The following VPS4B variants were observed in gnomAD, a reference collection of about 807,000 sequenced individuals.
VPS4B encodes vacuolar protein sorting 4 homolog B.
A neutral mutation model predicts 56.1 loss-of-function variants in VPS4B; 23 were observed. That is an observed-to-expected ratio of 0.41 (90% CI 0.30 to 0.58). The LOEUF (loss-of-function observed/expected upper bound fraction) is 0.58. VPS4B is among the 20% of genes least tolerant of loss of function. VPS4B has a pLI of 0.29. For missense variants in VPS4B, 372 were observed against 531.9 expected (o/e 0.70, Z 2.96); for synonymous variants, 177 against 186.0 (o/e 0.95, Z 0.39).
rs918210377 is a variant in VPS4B at position 63,390,468 on chromosome 18, C to A, written c.*507G>T. 4 of 152,754 alleles carry A rather than the reference C, an allele frequency of 2.6e-5. No individual in the cohort carries two copies. The highest frequency in any genetic ancestry group is 7.2e-5 in the African/African-American group (3 of 41,460). 9.5% of individuals were successfully genotyped at this position (152,754 alleles called of 1,614,324 possible). A position where few individuals can be genotyped will look rare whatever the true frequency, so the allele number is the denominator to read the frequency against. ...AAGAGCACTGTCTATAATTCAAAAT[C>A]TTTCAAACCCAATCACAAAGCTCTT... On this transcript the variant is annotated 3_prime_UTR_variant, in exon 11 of 11. Coordinates refer to ENST00000238497, the MANE Select transcript of VPS4B (RefSeq NM_004869.4).
intron 1 of VPS4B, among the ~76,000 whole-genome samples, chr18:63,411,902 GAAAT>G (rs1040856067): frequency 6.6e-6 from 1 of 151,932 alleles, no homozygotes; most frequent in Non-Finnish European, 1.5e-5. Flanking sequence ...GGGCTAATAA[GAAAT>G]AATAGAATGT....
At chr18:63,401,159 A>T (rs1915799062) in intron 5 of VPS4B, among the ~76,000 whole-genome samples, 1 of 152,248 alleles carries the variant, frequency 6.6e-6, no homozygotes, top group Non-Finnish European at 1.5e-5. Context: ...TCTTTGGAAA[A>T]GTGAACCTAA....
intron 8 of VPS4B, among the ~76,000 whole-genome samples, chr18:63,398,225 T>TATATATATATATATATATATA (rs1568084680): frequency 1.1e-4 from 6 of 54,982 alleles, no homozygotes; most frequent in Admixed American, 2.2e-4. Flanking sequence ...ATATATATAT[T>TATATATATATATATATATATA]TTTTTTTGAG....
chr18:63,402,057 A>C (rs149156419), intron 5 of VPS4B, among the ~76,000 whole-genome samples: 1 of 152,190 alleles, frequency 6.6e-6, no homozygotes, highest in Non-Finnish European at 1.5e-5. Flanking sequence ...GGATGTGTAC[A>C]CAGTATCTGC....
Position 63,413,471 on chromosome 18 carries a change from G to A in VPS4B, c.28-1893C>T, listed in dbSNP as rs111249667. On this transcript the variant is annotated intron_variant, in intron 1 of 10. Transcript: ENST00000238497. ...GGAGAATTGCTTGAACCCGGGAGGC[G>A]GTGGTTGCAGTGAGCCAAGATCATG... Among the ~76,000 whole-genome samples, 1,464 of 151,262 alleles carry A rather than the reference G, an allele frequency of 9.7e-3. 27 individuals carry two copies. The highest frequency in any genetic ancestry group is 0.034 in the African/African-American group (1,398 of 41,094).
intron 1 of VPS4B, among the ~76,000 whole-genome samples, chr18:63,413,317 T>C (rs1916087375): frequency 6.6e-6 from 1 of 151,984 alleles, no homozygotes; most frequent in African/African-American, 2.4e-5. Context: ...AAACTAAAAT[T>C]CTCCTGAGCT....
At chr18:63,416,481 AGC>A (rs1916166860) in intron 1 of VPS4B, 2 of 152,304 alleles carry the variant, frequency 1.3e-5, no homozygotes, top group Non-Finnish European at 2.9e-5. Flanking sequence ...TTCCCTTTTC[AGC>A]CAGAGCTAAT....
Position 63,422,148 on chromosome 18 carries a change from C to T in VPS4B, c.27+85G>A, listed in dbSNP as rs530929663. The T allele has an allele frequency of 8.2e-5, 111 of 1,360,832 alleles. 2 individuals carry two copies. In the South Asian group the frequency reaches 1.8e-3, roughly 22 times the overall value. 84.3% of individuals were successfully genotyped at this position (1,360,832 alleles called of 1,614,324 possible). A position where few individuals can be genotyped will look rare whatever the true frequency, so the allele number is the denominator to read the frequency against. On this transcript the variant is annotated intron_variant, in intron 1 of 10. Coordinates refer to ENST00000238497, the MANE Select transcript of VPS4B (RefSeq NM_004869.4). Reference sequence around the variant, plus strand: ...GCCTCGACCACAGGCGCGGCCGCTTCCTCCCTTCTCCCCGCCCCCCACCCG... The same window carrying T: ...GCCTCGACCACAGGCGCGGCCGCTTTCTCCCTTCTCCCCGCCCCCCACCCG...
chr18:63,400,193 C>T lies in VPS4B; in HGVS notation c.645G>A (p.Leu215=), dbSNP rs1483129086. 1 of 1,593,546 alleles carries T rather than the reference C, an allele frequency of 6.3e-7. No homozygotes were observed. Among genetic ancestry groups the T allele is most frequent in the Non-Finnish European group, 8.5e-7 (1 of 1,173,980 alleles). The change falls in exon 7 of 11, where the codon CTG becomes CTA. Residue 215 remains leucine (L), a synonymous_variant. Transcript: ENST00000238497. The stretch of plus-strand genomic sequence containing the variant: ...TGGCAAGTTGGAATAAATTCTTAAC[C>T]AGTCTAAAAATAAATGAAAACTTTT... ...VSKWLGESEK[L]VKNLFQLARE... is the part of the protein sequence containing the mutation.
rs974175694 is a variant in VPS4B, at chr18:63,422,439, A to C, written c.-180T>G. On this transcript the variant is annotated 5_prime_UTR_variant, in exon 1 of 11. Coordinates refer to ENST00000238497, the MANE Select transcript of VPS4B (RefSeq NM_004869.4). ...CAACACTCTCTCCACCAGAGCTCCG[A>C]CCCTCCCCACCAAACTTCCGCAATC... 1.3e-5 allele frequency: 6 copies of C among 451,510 alleles called. No individual in the cohort carries two copies. In the South Asian group the frequency reaches 2.2e-4, roughly 17 times the overall value. 28.0% of individuals were successfully genotyped at this position (451,510 alleles called of 1,614,324 possible).
chr18:63,394,307 T>C (rs897824730), intron 9 of VPS4B, among the ~76,000 whole-genome samples: 2 of 152,222 alleles, frequency 1.3e-5, no homozygotes, highest in African/African-American at 2.4e-5. Context: ...AAAAATGCTC[T>C]CAAATCTAAG....
chr18:63,403,107 TA>T (rs1450290060), intron 5 of VPS4B, among the ~76,000 whole-genome samples: 1 of 152,240 alleles, frequency 6.6e-6, no homozygotes, highest in African/African-American at 2.4e-5. Context: ...TTCACAGTGA[TA>T]ATGAAATGTC....
At chr18:63,405,698 T>C (rs959644019) in intron 4 of VPS4B, among the ~76,000 whole-genome samples, 2 of 151,970 alleles carry the variant, frequency 1.3e-5, no homozygotes, top group African/African-American at 4.8e-5. Context: ...TGGCTCACAA[T>C]TGTAATCCCA....
At chr18:63,406,857 G>A (rs1915929086) in intron 4 of VPS4B, among the ~76,000 whole-genome samples, 1 of 152,184 alleles carries the variant, frequency 6.6e-6, no homozygotes, top group Non-Finnish European at 1.5e-5. Context: ...ATCAAGATCT[G>A]AATGGAGCCA....
At chr18:63,406,792 G>A (rs1238021835) in intron 4 of VPS4B, among the ~76,000 whole-genome samples, 1 of 152,208 alleles carries the variant, frequency 6.6e-6, no homozygotes, top group Non-Finnish European at 1.5e-5. Context: ...GGTTCTGAGA[G>A]ATTCAGTCAC....
At chr18:63,405,353 A>T (rs1915892979) in intron 4 of VPS4B, among the ~76,000 whole-genome samples, 1 of 152,212 alleles carries the variant, frequency 6.6e-6, no homozygotes, top group South Asian at 2.1e-4. Context: ...AATTTTAACA[A>T]ATATACACTT....
intron 4 of VPS4B, among the ~76,000 whole-genome samples, chr18:63,405,457 A>G: frequency 6.6e-6 from 1 of 152,196 alleles, no homozygotes; most frequent in East Asian, 1.9e-4. Context: ...GAAATCCAGC[A>G]GCAAACCATT....
chr18:63,393,959 G>A (rs1915614235), intron 9 of VPS4B, among the ~76,000 whole-genome samples: 1 of 151,954 alleles, frequency 6.6e-6, no homozygotes, highest in African/African-American at 2.4e-5. Context: ...AGATGGTCTT[G>A]ATCTCCTGAC....
At position 63,411,413 on chromosome 18, in the gene VPS4B, CAG is replaced by C. The variant is rs532922248; in HGVS notation, c.139+52_139+53del. 25 of 1,260,622 alleles carry C rather than the reference CAG, an allele frequency of 2.0e-5. No homozygotes were observed. In the African/African-American group the frequency reaches 2.8e-4, roughly 14 times the overall value. The allele number at this position is 1,260,622 out of a possible 1,614,324, so 78.1% of individuals were successfully genotyped here. A position where few individuals can be genotyped will look rare whatever the true frequency, so the allele number is the denominator to read the frequency against. On this transcript the variant is annotated intron_variant, in intron 2 of 10. Transcript: ENST00000238497. Reference sequence around the variant, plus strand: ...ATATTTCAATTTTTTAGAAATGAAACAGAATAAATTTTCCTTTTCGTGTTTTT... The same window carrying C: ...ATATTTCAATTTTTTAGAAATGAAACAATAAATTTTCCTTTTCGTGTTTTT...
Sources: allele counts gnomAD v4.1 joint callset (sites outside exome capture counted in the v4.1 genomes callset), GRCh38; gene constraint gnomAD v4.1.1; transcripts MANE v1.5; gene names NCBI Gene and HGNC (gene_info 2026-07-23, HGNC 2026-07-21).